Variants in ZNF536 observed in about 807,000 individuals in gnomAD.
ZNF536 encodes the protein zinc finger protein 536.
A neutral mutation model predicts 84.5 loss-of-function variants in ZNF536; 13 were observed. That is an observed-to-expected ratio of 0.15 (90% CI 0.10 to 0.24). The LOEUF (loss-of-function observed/expected upper bound fraction) is 0.24, where lower values mean the gene tolerates loss of function less well. ZNF536 is among the 10% of genes least tolerant of loss of function. The pLI is 1.00. For synonymous variants in ZNF536, 811 were observed against 742.5 expected (o/e 1.09, Z -1.50); for missense variants, 1,536 against 1,747.5 (o/e 0.88, Z 2.16).
At chr19:30,327,499 T>C (rs988526531) in intron 2 of ZNF536, among the ~76,000 whole-genome samples, 1 of 152,220 alleles carries the variant, frequency 6.6e-6, no homozygotes, top group Non-Finnish European at 1.5e-5. Flanking sequence ...GGATTTTGAA[T>C]TGGAGACACA....
rs1185652546 is a variant in ZNF536, at chr19:30,597,410, G to A, written c.169+47896G>A. ...AAAACACGGCCAATAGCACCCACCT[G>A]GCAGGGTTAGCCCGAGAAGTGAATG... On this transcript the variant is annotated intron_variant, in intron 1 of 1. Transcript: ENST00000592773. 2.0e-5 allele frequency among the ~76,000 whole-genome samples: 3 copies of A among 152,238 alleles called. No homozygotes were observed. The East Asian group carries it at 5.8e-4, about 29-fold the overall frequency.
chr19:30,365,586 A>G (rs10421907), intron 3 of ZNF536, among the ~76,000 whole-genome samples: 121,596 of 152,148 alleles, frequency 0.8, 48,850 homozygotes, highest in African/African-American at 0.86. Flanking sequence ...CGTCTGCTTC[A>G]GACAACCCAG....
chr19:30,403,749 A>C (rs1375832009), intron 1 of ZNF536, among the ~76,000 whole-genome samples: 1 of 152,184 alleles, frequency 6.6e-6, no homozygotes, highest in Non-Finnish European at 1.5e-5. Context: ...TCCAAGTGCA[A>C]GGTCCAGCTG....
intron 2 of ZNF536, among the ~76,000 whole-genome samples, chr19:30,324,546 T>C (rs1198116398): frequency 6.6e-6 from 1 of 152,278 alleles, no homozygotes; most frequent in Middle Eastern, 3.4e-3. Flanking sequence ...CCATGCCTGG[T>C]TAGTTTTAAT....
chr19:30,456,954 A>G (rs945365265), intron 2 of ZNF536, among the ~76,000 whole-genome samples: 1 of 149,890 alleles, frequency 6.7e-6, no homozygotes, highest in Admixed American at 6.7e-5. Flanking sequence ...AGGCAGGAGA[A>G]TTGCTTGAAT....
At chr19:30,482,056 T>A (rs2054111883) in intron 2 of ZNF536, among the ~76,000 whole-genome samples, 1 of 152,222 alleles carries the variant, frequency 6.6e-6, no homozygotes, top group Admixed American at 6.5e-5. Flanking sequence ...CCTTTATACT[T>A]TCGTTGATCA....
chr19:30,581,689 G>A (rs1239232363), intron 1 of ZNF536, among the ~76,000 whole-genome samples: 1 of 151,998 alleles, frequency 6.6e-6, no homozygotes, highest in Non-Finnish European at 1.5e-5. Context: ...TGTAATCTCA[G>A]CACTTTGGGA....
intron 1 of ZNF536, among the ~76,000 whole-genome samples, chr19:30,600,298 G>A (rs1367738157): frequency 1.3e-5 from 2 of 152,022 alleles, no homozygotes; most frequent in South Asian, 4.2e-4. Context: ...TCACCATGTT[G>A]GCCAGGCTGG....
chr19:30,664,952 C>T (rs1057510881), intron 1 of ZNF536, among the ~76,000 whole-genome samples: 10 of 152,220 alleles, frequency 6.6e-5, no homozygotes, highest in Non-Finnish European at 1.2e-4. Context: ...AATAGTGCCT[C>T]CTAGAGGCTC....
At chr19:30,660,054 G>T (rs2050069211) in intron 1 of ZNF536, among the ~76,000 whole-genome samples, 1 of 152,022 alleles carries the variant, frequency 6.6e-6, no homozygotes, top group Non-Finnish European at 1.5e-5. Context: ...CTTTGAAAAA[G>T]CCACAGATAA....
intron 2 of ZNF536, among the ~76,000 whole-genome samples, chr19:30,287,224 T>G: frequency 8.8e-6 from 1 of 113,642 alleles, no homozygotes. Context: ...GGTGGATGGA[T>G]GGATAGATGG....
chr19:30,627,875 C>T (rs1354126603), intron 1 of ZNF536, among the ~76,000 whole-genome samples: 3 of 152,184 alleles, frequency 2.0e-5, no homozygotes, highest in Non-Finnish European at 4.4e-5. Flanking sequence ...GCGGGTGCAG[C>T]TTGCAGTAAT....
In ZNF536 at chr19:30,276,888, G is replaced by A. The variant is rs541541695; in HGVS notation, c.-189-7184G>A. ...TTTTTATGCAAGCAAAAAGATTTAAGGAATATTGTAGCAAACAAAGGGTAA... is the reference window on the plus strand; with the variant it reads ...TTTTTATGCAAGCAAAAAGATTTAAAGAATATTGTAGCAAACAAAGGGTAA... On this transcript the variant is annotated intron_variant, in intron 1 of 5. Transcript: ENST00000585628. Among the ~76,000 whole-genome samples, 228 of 151,998 alleles carry A rather than the reference G, an allele frequency of 1.5e-3. 1 individual carries two copies. Among genetic ancestry groups the A allele is most frequent in the Non-Finnish European group, 2.6e-3 (175 of 67,978 alleles).
At chr19:30,627,468 C>CA (rs569312789) in intron 1 of ZNF536, among the ~76,000 whole-genome samples, 4,364 of 51,974 alleles carry the variant, frequency 0.084, 717 homozygotes, top group Non-Finnish European at 0.1. Context: ...AAGGCCCTGT[C>CA]AAAAAAAAAA....
chr19:30,455,274 T>A (rs2052785742), intron 2 of ZNF536, among the ~76,000 whole-genome samples: 1 of 152,260 alleles, frequency 6.6e-6, no homozygotes, highest in African/African-American at 2.4e-5. Flanking sequence ...GAACACTTTT[T>A]TTTTCACTAA....
chr19:30,410,509 C>T (rs965806148), intron 1 of ZNF536, among the ~76,000 whole-genome samples: 1 of 134,324 alleles, frequency 7.4e-6, no homozygotes, highest in Non-Finnish European at 1.5e-5. Flanking sequence ...GAGTCTCGCT[C>T]TGTCGCCCAG....
intron 2 of ZNF536, among the ~76,000 whole-genome samples, chr19:30,467,999 A>T (rs1240678966): frequency 6.6e-6 from 1 of 152,148 alleles, no homozygotes; most frequent in Non-Finnish European, 1.5e-5. Flanking sequence ...GGAGGGTGTG[A>T]CCCCACAGTG....
chr19:30,629,344 C>A (rs2048803705), intron 1 of ZNF536, among the ~76,000 whole-genome samples: 2 of 152,134 alleles, frequency 1.3e-5, no homozygotes, highest in Admixed American at 1.3e-4. Flanking sequence ...GGACCACAGG[C>A]AGGTATCACC....
At chr19:30,630,281 G>A (rs1021274069) in intron 1 of ZNF536, among the ~76,000 whole-genome samples, 2 of 152,098 alleles carry the variant, frequency 1.3e-5, no homozygotes, top group Admixed American at 6.6e-5. Context: ...CTTTCTATTA[G>A]GTTGGTGCAA....
Sources: gnomAD v4.1 joint callset for allele counts (sites outside exome capture counted in the v4.1 genomes callset) on GRCh38, gnomAD v4.1.1 for gene constraint, MANE v1.5 for transcripts, NCBI Gene and HGNC (gene_info 2026-07-23, HGNC 2026-07-21) for gene names.